The following ALDH7A1 variants were observed in gnomAD, a reference collection of about 807,000 sequenced individuals.
ALDH7A1 encodes the protein aldehyde dehydrogenase 7 family member A1.
Under a neutral mutation model 79.9 loss-of-function variants are expected in ALDH7A1, and 63 were observed. The ratio of observed to expected loss-of-function variants is 0.79; its 90% CI spans 0.64 to 0.97. ALDH7A1 has a LOEUF of 0.97. ALDH7A1 is among the 50% of genes least tolerant of loss of function. The pLI, the probability that ALDH7A1 is intolerant of heterozygous loss-of-function variation, is 0.00. For missense variants in ALDH7A1, 627 were observed against 665.2 expected (o/e 0.94, Z 0.63); for synonymous variants, 240 against 231.2 (o/e 1.04, Z -0.34).
In ALDH7A1 at chr5:126,595,113, A is replaced by G. The variant is rs1444997293; in HGVS notation, c.86T>C (p.Met29Thr). 1 of 1,588,152 alleles carries G rather than the reference A, an allele frequency of 6.3e-7. No individual in the cohort carries two copies. The highest frequency in any genetic ancestry group is 1.1e-5 in the South Asian group (1 of 87,220). The change falls in exon 1 of 18, where the codon ATG (methionine) becomes ACG (threonine). Residue 29 changes from methionine to threonine, a missense_variant. Met to Thr is a moderately conservative substitution (Grantham distance 81). Transcript: ENST00000409134. ...SGPWSRPAAF[M>T]STLLINQPQY... The stretch of plus-strand genomic sequence containing the variant: ...GGGCTGATTGATGAGGAGAGTGGAC[A>G]TGAAGGCGGCAGGCCTGCTCCAAGG...
chr5:126,589,123 A>G (rs1312613154), intron 3 of ALDH7A1: 3 of 152,008 alleles, frequency 2.0e-5, no homozygotes, highest in Admixed American at 2.0e-4. Context: ...GTTTTTCTGT[A>G]AATTTAAAAC....
At chr5:126,547,655 G>A (rs879323725) in intron 16 of ALDH7A1, among the ~76,000 whole-genome samples, 20 of 152,276 alleles carry the variant, frequency 1.3e-4, no homozygotes, top group Admixed American at 9.8e-4. Flanking sequence ...ATAATAGAGG[G>A]TCAATACATA....
chr5:126,551,674 T>G (rs1750003394), intron 14 of ALDH7A1, among the ~76,000 whole-genome samples: 1 of 152,118 alleles, frequency 6.6e-6, no homozygotes, highest in Non-Finnish European at 1.5e-5. Context: ...TCTGCTGACA[T>G]GTTCACAGCA....
intron 9 of ALDH7A1, among the ~76,000 whole-genome samples, chr5:126,566,179 C>T (rs1332831609): frequency 6.6e-6 from 1 of 152,114 alleles, no homozygotes; most frequent in Non-Finnish European, 1.5e-5. Flanking sequence ...CATATTGAAA[C>T]CTTAACAATA....
At chr5:126,594,331 A>C (rs2112818676) in intron 1 of ALDH7A1, 1 of 464,480 alleles carries the variant, frequency 2.2e-6, no homozygotes, top group Non-Finnish European at 4.5e-6. Flanking sequence ...CCTGCGGTGC[A>C]CGTCACAGCT....
intron 3 of ALDH7A1, among the ~76,000 whole-genome samples, chr5:126,585,220 C>A (rs1330884205): frequency 6.6e-6 from 1 of 152,176 alleles, no homozygotes; most frequent in Non-Finnish European, 1.5e-5. Context: ...ATCACTTGAA[C>A]CCCGGAGGGG....
rs1750743465 is a variant in ALDH7A1, at chr5:126,570,783, C to T, written c.772G>A (p.Gly258Ser). The T allele has an allele frequency of 6.2e-7, 1 of 1,613,932 alleles. No homozygotes were observed. The highest frequency in any genetic ancestry group is 8.5e-7 in the Non-Finnish European group (1 of 1,179,864). The change falls in exon 8 of 18, where the codon GGC becomes AGC. Residue 258 changes from glycine to serine, a missense_variant and splice_region_variant. Physicochemically the swap from Gly to Ser is moderately conservative, Grantham distance 56. Transcript: ENST00000409134. The part of the protein sequence containing the change: ...CSLTCGGADI[G>S]TAMAKDERVN... Reference sequence around the variant, plus strand: ...GATGCTCTCAGCCTAGTAACCTACCCAATATCTGCTCCACCACAAGTCAAG... The same window carrying T: ...GATGCTCTCAGCCTAGTAACCTACCTAATATCTGCTCCACCACAAGTCAAG...
intron 7 of ALDH7A1, among the ~76,000 whole-genome samples, chr5:126,575,006 G>C (rs1356735855): frequency 6.6e-6 from 1 of 152,170 alleles, no homozygotes; most frequent in Admixed American, 6.5e-5. Context: ...TGAATCAGCA[G>C]ATTAGTGTAA....
intron 16 of ALDH7A1, among the ~76,000 whole-genome samples, chr5:126,549,201 G>A (rs1373643549): frequency 6.6e-6 from 1 of 152,090 alleles, no homozygotes; most frequent in Non-Finnish European, 1.5e-5. Flanking sequence ...ACTGCACAGT[G>A]GAGTGCAGGG....
chr5:126,542,135 C>A lies in ALDH7A1; in HGVS notation c.*2830G>T, dbSNP rs1749620668. ...TGGCAGGAAGCTTCTGCAGGATAAGCTCCAGGTGTAGAAAAAAAAAAAAAA... is the reference window on the plus strand; with the variant it reads ...TGGCAGGAAGCTTCTGCAGGATAAGATCCAGGTGTAGAAAAAAAAAAAAAA... On this transcript the variant is annotated 3_prime_UTR_variant, in exon 18 of 18. Coordinates refer to ENST00000409134, the MANE Select transcript of ALDH7A1 (RefSeq NM_001182.5). 1 of 135,572 alleles carries A rather than the reference C, an allele frequency of 7.4e-6. No homozygotes were observed. The allele number at this position is 135,572 out of a possible 1,614,324, so 8.4% of individuals were successfully genotyped here.
rs774216010 is a variant in ALDH7A1, at chr5:126,568,323, C to T, written c.807G>A (p.Leu269=). 3.7e-6 allele frequency: 6 copies of T among 1,614,140 alleles called. No individual in the cohort carries two copies. In the South Asian group the frequency reaches 6.6e-5, roughly 18 times the overall value. Residue 269 remains leucine, a synonymous_variant, in exon 9 of 18, where the codon CTG becomes CTA. Coordinates refer to ENST00000409134, the MANE Select transcript of ALDH7A1 (RefSeq NM_001182.5). ...TAMAKDERVN[L]LSFTGSTQVG... is the part of the protein sequence containing the mutation. ...CCTGAGTGCTCCCAGTGAAGGACAG[C>T]AGGTTCACTCGTTCATCTTTGGCCA...
chr5:126,555,838 A>G, intron 12 of ALDH7A1, 93 bp downstream of exon 12: 1 of 1,053,388 alleles, frequency 9.5e-7, no homozygotes, highest in Non-Finnish European at 1.5e-6. Flanking sequence ...GCCTCTCAGG[A>G]AAGGGAAAGA....
At chr5:126,563,148 A>C (rs1750458925) in intron 9 of ALDH7A1, among the ~76,000 whole-genome samples, 1 of 152,218 alleles carries the variant, frequency 6.6e-6, no homozygotes, top group African/African-American at 2.4e-5. Context: ...ACTTTCCCCC[A>C]CAATTAAAAA....
Position 126,544,207 on chromosome 5 carries a change from C to T in ALDH7A1, c.*758G>A, listed in dbSNP as rs1252113312. 1 of 152,400 alleles carries T rather than the reference C, an allele frequency of 6.6e-6. No individual in the cohort carries two copies. The highest frequency in any genetic ancestry group is 1.5e-5 in the Non-Finnish European group (1 of 68,248). The allele number at this position is 152,400 out of a possible 1,614,324, so 9.4% of individuals were successfully genotyped here. A position where few individuals can be genotyped will look rare whatever the true frequency, so the allele number is the denominator to read the frequency against. On this transcript the variant is annotated 3_prime_UTR_variant, in exon 18 of 18. Transcript: ENST00000409134. Reference sequence around the variant, plus strand: ...CTCCTAGCCTCTACTGATCCACCCGCCTCGGCCTCTCAAAGTGCTGGGATT... The same window carrying T: ...CTCCTAGCCTCTACTGATCCACCCGTCTCGGCCTCTCAAAGTGCTGGGATT...
At chr5:126,584,979 T>C (rs1751311187) in intron 3 of ALDH7A1, among the ~76,000 whole-genome samples, 3 of 152,074 alleles carry the variant, frequency 2.0e-5, no homozygotes, top group Admixed American at 6.6e-5. Flanking sequence ...TCCCATCAAG[T>C]TCTTCCCAAT....
chr5:126,548,260 C>T (rs1749858664), intron 16 of ALDH7A1, among the ~76,000 whole-genome samples: 1 of 152,088 alleles, frequency 6.6e-6, no homozygotes, highest in Non-Finnish European at 1.5e-5. Context: ...GCGAGCCTTG[C>T]ACCTCAGACT....
intron 3 of ALDH7A1, among the ~76,000 whole-genome samples, chr5:126,589,373 T>C (rs1252313722): frequency 2.0e-5 from 3 of 151,978 alleles, no homozygotes; most frequent in Non-Finnish European, 2.9e-5. Flanking sequence ...GTCAGGCTGG[T>C]CTCGAACTCC....
rs1353587643 is a variant in ALDH7A1, at chr5:126,568,968, A to C, written c.774-612T>G. 1.9e-5 allele frequency: 3 copies of C among 154,606 alleles called. No individual in the cohort carries two copies. In the East Asian group the frequency reaches 5.7e-4, roughly 30 times the overall value. The allele number at this position is 154,606 out of a possible 1,614,324, so 9.6% of individuals were successfully genotyped here. On this transcript the variant is annotated intron_variant, in intron 8 of 17. Coordinates refer to ENST00000409134, the MANE Select transcript of ALDH7A1 (RefSeq NM_001182.5). The stretch of plus-strand genomic sequence containing the variant: ...AAAAATAAAAGAATTCAAACTTAAA[A>C]GCCTGTAGGGAAATATCCTAAAGCA...
At chr5:126,561,310 A>G in intron 9 of ALDH7A1, 186 bp from the exon 10 acceptor site, 1 of 422,420 alleles carries the variant, frequency 2.4e-6, no homozygotes, top group South Asian at 6.2e-5. Flanking sequence ...TTATTTTCTA[A>G]TTTATAAAGT....
Sources: gnomAD v4.1 joint callset for allele counts (sites outside exome capture counted in the v4.1 genomes callset) on GRCh38, gnomAD v4.1.1 for gene constraint, MANE v1.5 for transcripts, NCBI Gene and HGNC (gene_info 2026-07-23, HGNC 2026-07-21) for gene names.